INPP4B: variants seen among roughly 807,000 people sequenced by gnomAD.
INPP4B encodes inositol polyphosphate 4-phosphatase type II.
Under a neutral mutation model 122.5 loss-of-function variants are expected in INPP4B, and 55 were observed. That is an observed-to-expected ratio of 0.45 (90% CI 0.36 to 0.56). The LOEUF is 0.56. Among genes scored for constraint, INPP4B ranks in the 20% least tolerant of loss-of-function variants. INPP4B has a pLI of 0.00. For missense variants in INPP4B, 1,000 were observed against 1,097.7 expected (o/e 0.91, Z 1.26); for synonymous variants, 403 against 388.7 (o/e 1.04, Z -0.43).
At chr4:142,571,287 A>C (rs533870792) in intron 2 of INPP4B, among the ~76,000 whole-genome samples, 8 of 152,146 alleles carry the variant, frequency 5.3e-5, no homozygotes, top group African/African-American at 1.9e-4. Context: ...TATCCTGAGC[A>C]ATTTAAAAAA....
chr4:142,467,933 T>C (rs1368123866), intron 2 of INPP4B: 4 of 152,126 alleles, frequency 2.6e-5, no homozygotes, highest in Non-Finnish European at 5.9e-5. Flanking sequence ...GCACCTCCCC[T>C]CCCTCTCTTG....
chr4:142,535,689 T>G (rs1402254365), intron 2 of INPP4B, among the ~76,000 whole-genome samples: 1 of 152,190 alleles, frequency 6.6e-6, no homozygotes, highest in Non-Finnish European at 1.5e-5. Flanking sequence ...ATAATTATTG[T>G]TATGATAATG....
intron 2 of INPP4B, among the ~76,000 whole-genome samples, chr4:142,663,658 G>A (rs1185526963): frequency 6.6e-6 from 1 of 151,610 alleles, no homozygotes; most frequent in African/African-American, 2.4e-5. Context: ...AAGTAATTAT[G>A]TGTAATATTT....
chr4:142,369,577 G>A (rs923356787), intron 7 of INPP4B, among the ~76,000 whole-genome samples: 9 of 133,720 alleles, frequency 6.7e-5, no homozygotes, highest in Admixed American at 3.7e-4. Context: ...ACCCTGTCTC[G>A]AAAATTAAAA....
At chr4:142,489,906 C>T (rs950569794) in intron 2 of INPP4B, among the ~76,000 whole-genome samples, 1 of 152,080 alleles carries the variant, frequency 6.6e-6, no homozygotes, top group African/African-American at 2.4e-5. Flanking sequence ...TCAAAGTTCA[C>T]TTTGTCTGAT....
intron 2 of INPP4B, among the ~76,000 whole-genome samples, chr4:142,515,836 T>C (rs1456511125): frequency 6.6e-6 from 1 of 152,230 alleles, no homozygotes; most frequent in Non-Finnish European, 1.5e-5. Flanking sequence ...AATATTATTA[T>C]GGATGTTTGT....
intron 5 of INPP4B, among the ~76,000 whole-genome samples, chr4:142,423,099 T>C (rs1807288052): frequency 6.6e-6 from 1 of 152,064 alleles, no homozygotes; most frequent in African/African-American, 2.4e-5. Flanking sequence ...ACTGGAGTTT[T>C]AAAAAAGTCA....
At chr4:142,157,461 G>T (rs530674827) in intron 17 of INPP4B, among the ~76,000 whole-genome samples, 115 of 152,194 alleles carry the variant, frequency 7.6e-4, no homozygotes, top group African/African-American at 2.7e-3. Context: ...GAGTGGGAAA[G>T]ATTTTTCTTG....
At chr4:142,187,590 C>T (rs996523304) in intron 15 of INPP4B, among the ~76,000 whole-genome samples, 33 of 151,864 alleles carry the variant, frequency 2.2e-4, no homozygotes, top group African/African-American at 7.2e-4. Flanking sequence ...CACACACACA[C>T]AGACACACAT....
intron 2 of INPP4B, among the ~76,000 whole-genome samples, chr4:142,655,534 T>C (rs966716546): frequency 1.3e-5 from 2 of 152,346 alleles, no homozygotes; most frequent in African/African-American, 4.8e-5. Context: ...TTCAGGCACC[T>C]GAATGAATTA....
At chr4:142,031,540 T>C (rs1041646778) in intron 25 of INPP4B, among the ~76,000 whole-genome samples, 1 of 152,186 alleles carries the variant, frequency 6.6e-6, no homozygotes, top group Non-Finnish European at 1.5e-5. Context: ...ACCTAAGGAC[T>C]ATGCAATCAG....
At chr4:142,367,925 G>T (rs1579863752) in intron 7 of INPP4B, among the ~76,000 whole-genome samples, 1 of 152,222 alleles carries the variant, frequency 6.6e-6, no homozygotes, top group South Asian at 2.1e-4. Flanking sequence ...CAGGAAGTTG[G>T]AAATATTACA....
chr4:142,604,188 T>TA (rs2150310965), intron 2 of INPP4B, among the ~76,000 whole-genome samples: 1 of 152,232 alleles, frequency 6.6e-6, no homozygotes, highest in South Asian at 2.1e-4. Flanking sequence ...CTGTTCATGA[T>TA]AAAAACTTCT....
In INPP4B at chr4:142,093,866, T is replaced by C. The variant is rs1277467531; in HGVS notation, c.2375-7610A>G. On this transcript the variant is annotated intron_variant, in intron 23 of 25. Coordinates refer to ENST00000262992, the MANE Select transcript of INPP4B (RefSeq NM_001101669.3). ...TTTCAGTGCCTTGTCTTAAACAAAT[T>C]TCAAGGTTGCATCACCCATAGCAAA... is the stretch of plus-strand genomic sequence containing the variant. 4.6e-5 allele frequency among the ~76,000 whole-genome samples: 7 copies of C among 151,216 alleles called. No homozygotes were observed. The Admixed American group carries it at 4.7e-4, about 10-fold the overall frequency.
intron 14 of INPP4B, among the ~76,000 whole-genome samples, chr4:142,205,985 T>C (rs1842438969): frequency 1.3e-5 from 2 of 152,116 alleles, no homozygotes; most frequent in South Asian, 4.1e-4. Context: ...ATTGAGTAAC[T>C]TATAAAAAAA....
chr4:142,176,190 A>C (rs1372075217), intron 15 of INPP4B, among the ~76,000 whole-genome samples: 2 of 149,472 alleles, frequency 1.3e-5, no homozygotes, highest in Non-Finnish European at 3.0e-5. Flanking sequence ...CATAACATGC[A>C]GGTTTGTTAC....
At chr4:142,266,631 C>A (rs765314502) in intron 10 of INPP4B, among the ~76,000 whole-genome samples, 10 of 152,088 alleles carry the variant, frequency 6.6e-5, no homozygotes, top group Non-Finnish European at 1.5e-4. Context: ...ATTTATAAAG[C>A]TTTTCTTCTA....
At chr4:142,109,470 C>G (rs755584955) in intron 22 of INPP4B, among the ~76,000 whole-genome samples, 3 of 152,138 alleles carry the variant, frequency 2.0e-5, no homozygotes, top group Non-Finnish European at 2.9e-5. Context: ...CTTATAGTCT[C>G]CCTAGTTTAG....
chr4:142,092,365 A>C (rs2874753), intron 23 of INPP4B, among the ~76,000 whole-genome samples: 39,277 of 152,090 alleles, frequency 0.26, 5,143 homozygotes, highest in East Asian at 0.3. Flanking sequence ...ACCTCGGCTC[A>C]CTGCAACCTC....
Sources: allele counts gnomAD v4.1 joint callset (sites outside exome capture counted in the v4.1 genomes callset), GRCh38; gene constraint gnomAD v4.1.1; transcripts MANE v1.5; gene names NCBI Gene and HGNC (gene_info 2026-07-23, HGNC 2026-07-21).